The following ZNF704 variants were observed in gnomAD, a reference collection of about 807,000 sequenced individuals.
ZNF704 encodes zinc finger protein 704.
A neutral mutation model predicts 44.7 loss-of-function variants in ZNF704; 10 were observed. The ratio of observed to expected loss-of-function variants is 0.22; its 90% CI spans 0.14 to 0.38. The LOEUF (loss-of-function observed/expected upper bound fraction) is 0.38, where lower values mean the gene tolerates loss of function less well. Ranked by LOEUF, ZNF704 falls within the 10% of genes least tolerant of loss-of-function variation. The pLI is 1.00. For missense variants in ZNF704, 390 were observed against 545.5 expected, an observed-to-expected ratio of 0.71 and a Z score of 2.84; for synonymous variants, 211 against 207.6, an observed-to-expected ratio of 1.02 and a Z score of -0.14.
intron 7 of ZNF704, among the ~76,000 whole-genome samples, chr8:80,657,417 G>C (rs1356713689): frequency 6.6e-6 from 1 of 152,296 alleles, no homozygotes; most frequent in East Asian, 1.9e-4. Context: ...TCTCAGCTGG[G>C]CGCAGTGGCT....
At chr8:80,649,091 T>G (rs1344248461) in intron 7 of ZNF704, among the ~76,000 whole-genome samples, 1 of 152,212 alleles carries the variant, frequency 6.6e-6, no homozygotes, top group Non-Finnish European at 1.5e-5. Flanking sequence ...GCTTGGACAG[T>G]ATAATATGAT....
chr8:80,738,868 T>C (rs528898210), intron 2 of ZNF704, among the ~76,000 whole-genome samples: 2 of 152,288 alleles, frequency 1.3e-5, no homozygotes, highest in Admixed American at 6.5e-5. Context: ...ATGTCTATCA[T>C]GGGATGCCAA....
intron 2 of ZNF704, among the ~76,000 whole-genome samples, chr8:80,745,887 G>C (rs1243757056): frequency 6.6e-6 from 1 of 152,112 alleles, no homozygotes; most frequent in African/African-American, 2.4e-5. Context: ...AGGCCCTTTG[G>C]AAAGATAAGG....
At chr8:80,830,955 T>C (rs1027663738) in intron 1 of ZNF704, among the ~76,000 whole-genome samples, 10 of 151,740 alleles carry the variant, frequency 6.6e-5, no homozygotes, top group Admixed American at 4.6e-4. Context: ...AAGGTTTCAC[T>C]GTGTTGGCCA....
At chr8:80,780,404 C>T (rs1276496799) in intron 2 of ZNF704, among the ~76,000 whole-genome samples, 2 of 152,136 alleles carry the variant, frequency 1.3e-5, no homozygotes, top group Non-Finnish European at 2.9e-5. Flanking sequence ...TGGAAACTGA[C>T]TGGCTGTTGG....
intron 4 of ZNF704, among the ~76,000 whole-genome samples, chr8:80,675,341 G>C (rs565320376): frequency 6.6e-6 from 1 of 152,214 alleles, no homozygotes; most frequent in East Asian, 1.9e-4. Context: ...ATTTGTTTGA[G>C]ATAAAGTGCA....
intron 1 of ZNF704, among the ~76,000 whole-genome samples, chr8:80,846,340 A>G (rs1808766774): frequency 6.6e-6 from 1 of 152,106 alleles, no homozygotes; most frequent in Non-Finnish European, 1.5e-5. Flanking sequence ...CTTAGAGGGT[A>G]AGAACTAAAA....
chr8:80,754,019 A>T (rs73268635), intron 2 of ZNF704, among the ~76,000 whole-genome samples: 1 of 152,154 alleles, frequency 6.6e-6, no homozygotes, highest in Non-Finnish European at 1.5e-5. Context: ...AGCAGCTGCC[A>T]GTCTTACTCA....
intron 3 of ZNF704, among the ~76,000 whole-genome samples, chr8:80,690,792 T>C (rs796244617): frequency 6.6e-6 from 1 of 152,340 alleles, no homozygotes; most frequent in African/African-American, 2.4e-5. Context: ...GCGGATCACC[T>C]GATGTCAGGA....
At chr8:80,700,446 TAGAGGG>T in intron 2 of ZNF704, among the ~76,000 whole-genome samples, 2 of 152,158 alleles carry the variant, frequency 1.3e-5, no homozygotes, top group Admixed American at 1.3e-4. Flanking sequence ...ATACAGACCT[TAGAGGG>T]TTTGGAAGAG....
intron 2 of ZNF704, among the ~76,000 whole-genome samples, chr8:80,743,686 C>T (rs1298918243): frequency 1.3e-5 from 2 of 152,080 alleles, no homozygotes. Flanking sequence ...GGGGGTGGGC[C>T]CAGCAAACCT....
chr8:80,832,123 C>T (rs1415113606), intron 1 of ZNF704, among the ~76,000 whole-genome samples: 2 of 152,140 alleles, frequency 1.3e-5, no homozygotes, highest in Admixed American at 6.5e-5. Context: ...ACAAATAAAA[C>T]TCAGAATTTT....
At chr8:80,642,913 G>C (rs1817767356) in intron 8 of ZNF704, 122 bp downstream of exon 8, 2 of 552,156 alleles carry the variant, frequency 3.6e-6, no homozygotes, top group African/African-American at 3.9e-5. Flanking sequence ...AAAAAAGAAA[G>C]GGTGTTTTGT....
chr8:80,795,286 T>G (rs2129766742), intron 2 of ZNF704, among the ~76,000 whole-genome samples: 1 of 152,326 alleles, frequency 6.6e-6, no homozygotes, highest in East Asian at 1.9e-4. Flanking sequence ...TGGCACGGAA[T>G]AAAAATGGCA....
At position 80,684,696 on chromosome 8, in the gene ZNF704, C is replaced by T. The variant is rs74953018; in HGVS notation, c.558+2530G>A. Among the ~76,000 whole-genome samples, 895 of 152,264 alleles carry T rather than the reference C, an allele frequency of 5.9e-3. 9 individuals carry two copies. Among genetic ancestry groups the T allele is most frequent in the African/African-American group, 0.021 (855 of 41,540 alleles). The stretch of plus-strand genomic sequence containing the variant: ...ACAGTTACTGTGTTCTGTCACATCA[C>T]GAACACAGCATTTACCACTTGTAAT... On this transcript the variant is annotated intron_variant, in intron 4 of 8. Transcript: ENST00000327835.
chr8:80,702,163 G>A (rs762070780), intron 2 of ZNF704, among the ~76,000 whole-genome samples: 2 of 152,114 alleles, frequency 1.3e-5, no homozygotes, highest in East Asian at 1.9e-4. Flanking sequence ...CAACCACCCC[G>A]TCTACCTGGA....
intron 2 of ZNF704, among the ~76,000 whole-genome samples, chr8:80,715,477 T>G (rs769543686): frequency 2.0e-5 from 3 of 152,238 alleles, no homozygotes; most frequent in Non-Finnish European, 2.9e-5. Flanking sequence ...GGCATATTCC[T>G]AAGCCCTCTG....
intron 1 of ZNF704, among the ~76,000 whole-genome samples, chr8:80,840,617 C>T (rs910976204): frequency 2.0e-5 from 3 of 152,162 alleles, no homozygotes; most frequent in Non-Finnish European, 4.4e-5. Context: ...AACTATTGCT[C>T]CTCTGCTCTA....
At position 80,677,065 on chromosome 8, in the gene ZNF704, G is replaced by C. The variant is rs191440727; in HGVS notation, c.559-6462C>G. ...TTCTGATATTCATGATGGGAAACAAGACTCCAGAAAGTTACAAGACTTACC... is the reference window on the plus strand; with the variant it reads ...TTCTGATATTCATGATGGGAAACAACACTCCAGAAAGTTACAAGACTTACC... On this transcript the variant is annotated intron_variant, in intron 4 of 8. Transcript: ENST00000327835. 4.9e-4 allele frequency among the ~76,000 whole-genome samples: 75 copies of C among 152,278 alleles called. No homozygotes were observed. In the East Asian group the frequency reaches 0.01, roughly 21 times the overall value.
Sources: allele counts gnomAD v4.1 joint callset (sites outside exome capture counted in the v4.1 genomes callset), GRCh38; gene constraint gnomAD v4.1.1; transcripts MANE v1.5; gene names NCBI Gene and HGNC (gene_info 2026-07-23, HGNC 2026-07-21).